Variants in ADAMTSL1 observed in about 807,000 individuals in gnomAD.
The protein encoded by ADAMTSL1 is ADAMTS like 1.
Under a neutral mutation model 201.8 loss-of-function variants are expected in ADAMTSL1, and 126 were observed. The observed-to-expected ratio is 0.62, with a 90% confidence interval of 0.54 to 0.72. The LOEUF is 0.72. ADAMTSL1 is among the 30% of genes least tolerant of loss of function. The pLI is 0.00. For synonymous variants in ADAMTSL1, 1,121 were observed against 903.4 expected (o/e 1.24, Z -4.32); for missense variants, 2,679 against 2,277.8 (o/e 1.18, Z -3.59).
At chr9:18,339,873 T>C (rs562223044) in intron 2 of ADAMTSL1, among the ~76,000 whole-genome samples, 22 of 152,254 alleles carry the variant, frequency 1.4e-4, no homozygotes, top group Admixed American at 1.4e-3. Context: ...TCATTCTCAT[T>C]TTCTGCCCCA....
intron 23 of ADAMTSL1, among the ~76,000 whole-genome samples, chr9:18,834,796 A>G (rs1825210567): frequency 6.6e-6 from 1 of 152,192 alleles, no homozygotes; most frequent in African/African-American, 2.4e-5. Flanking sequence ...ATATTGTAAC[A>G]TGGATCAACA....
In ADAMTSL1 at chr9:18,076,265, C is replaced by T. The variant is rs776664319; in HGVS notation, c.88-87597C>T. Among the ~76,000 whole-genome samples, 21 of 152,256 alleles carry T rather than the reference C, an allele frequency of 1.4e-4. 1 individual carries two copies. The highest frequency in any genetic ancestry group is 7.8e-4 in the Admixed American group (12 of 15,300). ...TATTTTATGAAATTTAGGTCATTACCATGGTGCTGTGCTACCGGATTAATA... is the reference window on the plus strand; with the variant it reads ...TATTTTATGAAATTTAGGTCATTACTATGGTGCTGTGCTACCGGATTAATA... On this transcript the variant is annotated intron_variant, in intron 1 of 29. Coordinates refer to the ADAMTSL1 transcript ENST00000680146.
Position 18,141,816 on chromosome 9 carries a change from G to A in ADAMTSL1, c.88-22046G>A, listed in dbSNP as rs575012631. ...TTCACCAACAGGCGTTACTGAGAAA[G>A]GAGGTACTGTGGTATTTCAAACTCA... On this transcript the variant is annotated intron_variant, in intron 1 of 29. Transcript: ENST00000680146. Among the ~76,000 whole-genome samples, 542 of 152,268 alleles carry A rather than the reference G, an allele frequency of 3.6e-3. 1 individual carries two copies. Among genetic ancestry groups the A allele is most frequent in the Middle Eastern group, 0.01 (3 of 294 alleles).
At chr9:18,587,307 C>A (rs1053893241) in intron 4 of ADAMTSL1, among the ~76,000 whole-genome samples, 1 of 151,954 alleles carries the variant, frequency 6.6e-6, no homozygotes, top group Non-Finnish European at 1.5e-5. Flanking sequence ...CATGAACAGG[C>A]ACATTTCAAA....
intron 1 of ADAMTSL1, among the ~76,000 whole-genome samples, chr9:18,130,840 C>T (rs183631808): frequency 6.9e-4 from 105 of 152,218 alleles, no homozygotes; most frequent in African/African-American, 2.5e-3. Flanking sequence ...AGACACAGCA[C>T]AAAAACAGGG....
intron 3 of ADAMTSL1, among the ~76,000 whole-genome samples, chr9:18,537,035 T>A (rs1004045038): frequency 6.6e-6 from 1 of 152,218 alleles, no homozygotes; most frequent in Non-Finnish European, 1.5e-5. Context: ...GTGATGCTCT[T>A]AATTTCTTTA....
chr9:18,132,770 C>G (rs1826004076), intron 1 of ADAMTSL1, among the ~76,000 whole-genome samples: 1 of 152,146 alleles, frequency 6.6e-6, no homozygotes, highest in Non-Finnish European at 1.5e-5. Flanking sequence ...ACATTTCACC[C>G]AAACACACAG....
At chr9:18,134,804 G>T (rs1826092170) in intron 1 of ADAMTSL1, among the ~76,000 whole-genome samples, 1 of 152,294 alleles carries the variant, frequency 6.6e-6, no homozygotes, top group Non-Finnish European at 1.5e-5. Flanking sequence ...GAATGGCAGG[G>T]TTTGTTGTGG....
intron 2 of ADAMTSL1, among the ~76,000 whole-genome samples, chr9:18,373,984 G>A (rs993347331): frequency 3.9e-5 from 6 of 152,154 alleles, no homozygotes; most frequent in Non-Finnish European, 8.8e-5. Context: ...CTAGGAACTG[G>A]GCTAGGAACT....
At chr9:18,549,791 C>CGAGT (rs1188603124) in intron 3 of ADAMTSL1, among the ~76,000 whole-genome samples, 7 of 151,700 alleles carry the variant, frequency 4.6e-5, no homozygotes, top group Non-Finnish European at 1.0e-4. Flanking sequence ...TAGTGACCAA[C>CGAGT]GAGTCTATGT....
rs1827312481 is a variant in ADAMTSL1 at position 18,639,496 on chromosome 9, T to C, written c.834+85T>C. The C allele has an allele frequency of 4.0e-6, 6 of 1,504,274 alleles. No individual in the cohort carries two copies. In the East Asian group the frequency reaches 1.4e-4, roughly 34 times the overall value. The allele number at this position is 1,504,274 out of a possible 1,614,324, so 93.2% of individuals were successfully genotyped here. A position where few individuals can be genotyped will look rare whatever the true frequency, so the allele number is the denominator to read the frequency against. ...TTCCTGAGCAGAGAGCGATTTTTGG[T>C]TCTGACATATGTTTGGAAAGCCCGT... is the stretch of plus-strand genomic sequence containing the variant. On this transcript the variant is annotated intron_variant, in intron 7 of 28. Transcript: ENST00000380548.
At chr9:18,584,943 A>T (rs1224903690) in intron 4 of ADAMTSL1, among the ~76,000 whole-genome samples, 1 of 152,186 alleles carries the variant, frequency 6.6e-6, no homozygotes. Context: ...AGTCTCAGGT[A>T]TTTTGTTATA....
At chr9:18,223,762 T>G (rs980519268) in intron 2 of ADAMTSL1, among the ~76,000 whole-genome samples, 3 of 152,086 alleles carry the variant, frequency 2.0e-5, no homozygotes, top group African/African-American at 7.2e-5. Flanking sequence ...TGGTTGTTGC[T>G]TCTTTTGTCT....
intron 20 of ADAMTSL1, among the ~76,000 whole-genome samples, chr9:18,810,373 G>A (rs1436272331): frequency 1.3e-5 from 2 of 152,166 alleles, no homozygotes; most frequent in African/African-American, 4.8e-5. Context: ...AAATAAAATG[G>A]CAAAGAAGAA....
intron 1 of ADAMTSL1, among the ~76,000 whole-genome samples, chr9:18,038,487 ACATTGGCAGT>A (rs1262290856): frequency 6.6e-6 from 1 of 152,186 alleles, no homozygotes; most frequent in Middle Eastern, 3.2e-3. Context: ...AGCATAAAAC[ACATTGGCAGT>A]CATTACAGTT....
intron 2 of ADAMTSL1, among the ~76,000 whole-genome samples, chr9:18,276,338 T>G (rs1316080713): frequency 4.6e-5 from 7 of 152,186 alleles, no homozygotes; most frequent in Non-Finnish European, 1.0e-4. Context: ...TCAGCAAAAC[T>G]TTTAAGTTTT....
At chr9:18,801,843 C>A (rs1400845691) in intron 20 of ADAMTSL1, among the ~76,000 whole-genome samples, 1 of 152,072 alleles carries the variant, frequency 6.6e-6, no homozygotes, top group Admixed American at 6.6e-5. Context: ...GTGTGTGTGC[C>A]TTTATGATAG....
intron 1 of ADAMTSL1, among the ~76,000 whole-genome samples, chr9:17,967,448 G>GT (rs1319884671): frequency 1.3e-5 from 2 of 152,046 alleles, no homozygotes; most frequent in African/African-American, 4.8e-5. Context: ...GGTAACTATA[G>GT]TAATACCAGC....
chr9:18,540,882 A>G (rs1294255409), intron 3 of ADAMTSL1, among the ~76,000 whole-genome samples: 2 of 152,154 alleles, frequency 1.3e-5, no homozygotes, highest in Non-Finnish European at 2.9e-5. Context: ...TCCCCCACCT[A>G]CTAGAGAGGG....
Sources: allele counts gnomAD v4.1 joint callset (sites outside exome capture counted in the v4.1 genomes callset), GRCh38; gene constraint gnomAD v4.1.1; transcripts MANE v1.5; gene names NCBI Gene and HGNC (gene_info 2026-07-23, HGNC 2026-07-21).